DLG2: variants seen among roughly 807,000 people sequenced by gnomAD.
The protein encoded by DLG2 is disks large homolog 2.
DLG2 carries 45 observed loss-of-function variants against 132.5 expected under a neutral mutation model. That is an observed-to-expected ratio of 0.34 (90% CI 0.27 to 0.44). The LOEUF is 0.44. Among genes scored for constraint, DLG2 ranks in the 20% least tolerant of loss-of-function variants. The pLI is 1.00. For missense variants in DLG2, 1,045 were observed against 1,196.9 expected, an observed-to-expected ratio of 0.87 and a Z score of 1.87; for synonymous variants, 424 against 419.6, an observed-to-expected ratio of 1.01 and a Z score of -0.13.
intron 11 of DLG2, among the ~76,000 whole-genome samples, chr11:84,036,705 G>C (rs2095872671): frequency 6.6e-6 from 1 of 152,132 alleles, no homozygotes; most frequent in South Asian, 2.1e-4. Context: ...CCAGCTAAAA[G>C]TTTTAAAACT....
intron 22 of DLG2, among the ~76,000 whole-genome samples, chr11:83,473,604 A>AC (rs1555068773): frequency 1.3e-5 from 2 of 150,868 alleles, no homozygotes; most frequent in Non-Finnish European, 3.0e-5. Flanking sequence ...AAGTGTCTGC[A>AC]TTTTTTTTTG....
rs2095443498 is a variant in DLG2 at position 83,520,639 on chromosome 11, G to GATAGA, written c.2193+12068_2193+12069insTCTAT. On this transcript the variant is annotated intron_variant, in intron 21 of 27. Coordinates refer to ENST00000376104, the MANE Select transcript of DLG2 (RefSeq NM_001142699.3). ...GACAGGTAGGTAGATAGGTAGGTAG[G>GATAGA]TAGATAGATAGATAGATAGATAGAT... 8.2e-4 allele frequency among the ~76,000 whole-genome samples: 121 copies of GATAGA among 148,066 alleles called. 3 individuals are homozygous for GATAGA. The highest frequency in any genetic ancestry group is 8.1e-3 in the South Asian group (37 of 4,554).
At chr11:84,358,334 T>G (rs956097385) in intron 7 of DLG2, among the ~76,000 whole-genome samples, 1 of 151,736 alleles carries the variant, frequency 6.6e-6, no homozygotes, top group Non-Finnish European at 1.5e-5. Flanking sequence ...TCTTATAACT[T>G]CTGTCTTCAT....
At chr11:85,039,771 A>T (rs2061694956) in intron 6 of DLG2, among the ~76,000 whole-genome samples, 1 of 151,922 alleles carries the variant, frequency 6.6e-6, no homozygotes, top group Admixed American at 6.6e-5. Flanking sequence ...ATACACTATA[A>T]GCCCCTTGAT....
chr11:85,380,780 A>C (rs1256050623), intron 3 of DLG2, among the ~76,000 whole-genome samples: 2 of 152,224 alleles, frequency 1.3e-5, no homozygotes, highest in Non-Finnish European at 2.9e-5. Context: ...ATTTCTATAG[A>C]GGCTATTGAG....
chr11:85,194,426 G>A (rs1449766335), intron 4 of DLG2, among the ~76,000 whole-genome samples: 1 of 152,038 alleles, frequency 6.6e-6, no homozygotes, highest in Non-Finnish European at 1.5e-5. Context: ...GTCCCTCTTT[G>A]TAGGGGGAGA....
At chr11:83,566,100 T>G (rs962061995) in intron 19 of DLG2, among the ~76,000 whole-genome samples, 3 of 152,244 alleles carry the variant, frequency 2.0e-5, no homozygotes, top group Non-Finnish European at 4.4e-5. Context: ...CCTAGAAATA[T>G]AATTTCCCAG....
chr11:83,923,878 C>G (rs1245187502), intron 15 of DLG2, among the ~76,000 whole-genome samples: 1 of 152,050 alleles, frequency 6.6e-6, no homozygotes, highest in Admixed American at 6.6e-5. Context: ...AGCTTTAAAA[C>G]TCTTCAACAG....
At chr11:85,458,412 A>G (rs1248928843) in intron 3 of DLG2, among the ~76,000 whole-genome samples, 1 of 151,952 alleles carries the variant, frequency 6.6e-6, no homozygotes, top group Non-Finnish European at 1.5e-5. Context: ...ATTCCTATCC[A>G]TATTCTGAAT....
intron 10 of DLG2, among the ~76,000 whole-genome samples, chr11:84,079,287 T>TG (rs1042531214): frequency 6.6e-6 from 1 of 151,362 alleles, no homozygotes; most frequent in Admixed American, 6.6e-5. Context: ...TGTTTTTTTT[T>TG]TTGTTTTTCT....
Position 84,296,247 on chromosome 11 carries a change from G to T in DLG2, c.520-44956C>A, listed in dbSNP as rs117050779. 1.0e-4 allele frequency among the ~76,000 whole-genome samples: 15 copies of T among 150,480 alleles called. No homozygotes were observed. The East Asian group carries it at 1.2e-3, about 12-fold the overall frequency. ...GAATTTAATTAAAATAATCAATATC[G>T]ACTCTTGAAATAAAATACTTAGAAT... On this transcript the variant is annotated intron_variant, in intron 7 of 27. Coordinates refer to ENST00000376104, the MANE Select transcript of DLG2 (RefSeq NM_001142699.3).
intron 18 of DLG2, among the ~76,000 whole-genome samples, chr11:83,750,324 ATGAGGAATGTT>A (rs1353778157): frequency 3.3e-5 from 5 of 152,206 alleles, no homozygotes; most frequent in Admixed American, 2.0e-4. Context: ...ATCGACAAGT[ATGAGGAATGTT>A]TTCTTAACAT....
chr11:84,363,515 T>C (rs2098663359), intron 7 of DLG2, among the ~76,000 whole-genome samples: 1 of 152,074 alleles, frequency 6.6e-6, no homozygotes, highest in Non-Finnish European at 1.5e-5. Flanking sequence ...TTTAGTTTAA[T>C]TAGATCCCAT....
intron 18 of DLG2, among the ~76,000 whole-genome samples, chr11:83,777,364 A>C (rs549669028): frequency 6.6e-6 from 1 of 152,342 alleles, no homozygotes; most frequent in East Asian, 1.9e-4. Flanking sequence ...AAGCACATTA[A>C]AGATGTATAC....
intron 11 of DLG2, among the ~76,000 whole-genome samples, chr11:84,040,071 G>C (rs1184908295): frequency 6.6e-6 from 1 of 151,498 alleles, no homozygotes; most frequent in African/African-American, 2.4e-5. Flanking sequence ...AGGGTTGTTT[G>C]TTTTTTTCTT....
intron 3 of DLG2, among the ~76,000 whole-genome samples, chr11:85,370,441 C>CAAT (rs2084889658): frequency 1.3e-5 from 2 of 152,102 alleles, no homozygotes; most frequent in African/African-American, 4.8e-5. Context: ...TTCATGTGAA[C>CAAT]GTATTGACTA....
intron 3 of DLG2, among the ~76,000 whole-genome samples, chr11:85,416,300 T>C (rs1036340259): frequency 6.6e-6 from 1 of 152,222 alleles, no homozygotes; most frequent in African/African-American, 2.4e-5. Context: ...CATTAGTCTA[T>C]ACATCTGTTT....
At chr11:83,467,026 C>G (rs2091155773) in intron 25 of DLG2, among the ~76,000 whole-genome samples, 1 of 152,184 alleles carries the variant, frequency 6.6e-6, no homozygotes. Context: ...TAGCCCCTTA[C>G]AAAGTGTCTG....
intron 6 of DLG2, among the ~76,000 whole-genome samples, chr11:84,786,922 T>G (rs1336549677): frequency 1.3e-5 from 2 of 152,168 alleles, no homozygotes; most frequent in Non-Finnish European, 2.9e-5. Context: ...GAAGTAAGTC[T>G]GTGCACTGCT....
Sources: allele counts gnomAD v4.1 joint callset (sites outside exome capture counted in the v4.1 genomes callset), GRCh38; gene constraint gnomAD v4.1.1; transcripts MANE v1.5; gene names NCBI Gene and HGNC (gene_info 2026-07-23, HGNC 2026-07-21).